Variants in COP1 observed in about 807,000 individuals in gnomAD.
COP1 encodes E3 ubiquitin-protein ligase COP1.
A neutral mutation model predicts 101.3 loss-of-function variants in COP1; 24 were observed. The observed-to-expected ratio is 0.24, with a 90% CI of 0.17 to 0.33. COP1 has a LOEUF of 0.33. COP1 is among the 10% of genes least tolerant of loss of function. The probability of loss-of-function intolerance (pLI) is 1.00; values close to 1 mark genes in which losing one functional copy is unlikely to be tolerated. For synonymous variants in COP1, 347 were observed against 341.9 expected (o/e 1.01, Z -0.17); for missense variants, 663 against 906.2 (o/e 0.73, Z 3.45).
At chr1:175,992,150 G>A (rs529194100) in intron 15 of COP1, among the ~76,000 whole-genome samples, 4 of 152,280 alleles carry the variant, frequency 2.6e-5, no homozygotes, top group African/African-American at 9.6e-5. Context: ...ATACAGGCAT[G>A]CAATGCATAA....
intron 15 of COP1, among the ~76,000 whole-genome samples, chr1:176,001,928 G>C (rs937127729): frequency 3.9e-5 from 6 of 152,076 alleles, no homozygotes; most frequent in African/African-American, 1.4e-4. Context: ...CCTGCTGGCA[G>C]TAATGATTTC....
chr1:176,060,938 G>GA (rs1558027263), intron 11 of COP1, among the ~76,000 whole-genome samples: 2 of 151,586 alleles, frequency 1.3e-5, no homozygotes, highest in Non-Finnish European at 2.9e-5. Context: ...ATTGCAGCAA[G>GA]AAAAAAAAGA....
intron 5 of COP1, among the ~76,000 whole-genome samples, chr1:176,162,591 A>G (rs1045162206): frequency 1.3e-5 from 2 of 152,184 alleles, no homozygotes; most frequent in Non-Finnish European, 2.9e-5. Context: ...CAACAAAACT[A>G]TTTCCTATGA....
At chr1:176,136,431 G>C in intron 7 of COP1, 57 bp downstream of exon 7, 1 of 1,185,704 alleles carries the variant, frequency 8.4e-7, no homozygotes, top group South Asian at 1.3e-5. Context: ...ATGGAAAGGT[G>C]ACAATTTCAT....
intron 8 of COP1, among the ~76,000 whole-genome samples, chr1:176,122,913 T>C (rs1481207911): frequency 6.6e-6 from 1 of 152,198 alleles, no homozygotes; most frequent in Admixed American, 6.5e-5. Flanking sequence ...GGAAGTAAAC[T>C]ACTTCGGTTG....
intron 9 of COP1, among the ~76,000 whole-genome samples, chr1:176,113,930 A>G (rs1215928884): frequency 2.9e-5 from 4 of 136,420 alleles, no homozygotes; most frequent in African/African-American, 8.0e-5. Context: ...AACCATTCAC[A>G]TTGGTCAGGG....
chr1:175,991,697 A>ATAAG (rs977878030), intron 15 of COP1, among the ~76,000 whole-genome samples: 1 of 152,232 alleles, frequency 6.6e-6, no homozygotes, highest in African/African-American at 2.4e-5. Flanking sequence ...ACATTTCCTT[A>ATAAG]TAAGTTAAAA....
intron 8 of COP1, among the ~76,000 whole-genome samples, chr1:176,117,895 G>A (rs960146154): frequency 3.3e-5 from 5 of 150,434 alleles, no homozygotes; most frequent in African/African-American, 9.9e-5. Flanking sequence ...ACTCTGTCTC[G>A]AAAAACAAAC....
chr1:176,080,957 T>C (rs1039990783), intron 11 of COP1, among the ~76,000 whole-genome samples, 195 bp downstream of exon 11: 6 of 152,124 alleles, frequency 3.9e-5, no homozygotes, highest in African/African-American at 1.4e-4. Context: ...AGAAGGATAC[T>C]ATCAATTATT....
chr1:175,982,456 G>A, intron 18 of COP1: 1 of 454,942 alleles, frequency 2.2e-6, no homozygotes, highest in Non-Finnish European at 4.4e-6. Flanking sequence ...TCCATGTGAA[G>A]ATGAGGATGA....
chr1:175,998,419 A>G (rs1391402761), intron 15 of COP1, among the ~76,000 whole-genome samples: 1 of 151,700 alleles, frequency 6.6e-6, no homozygotes, highest in African/African-American at 2.4e-5. Context: ...TATGTAACTA[A>G]CCTGCACATT....
At chr1:176,074,451 A>T (rs1677596031) in intron 11 of COP1, among the ~76,000 whole-genome samples, 4 of 152,026 alleles carry the variant, frequency 2.6e-5, no homozygotes, top group Admixed American at 2.0e-4. Context: ...TAAAATTGGA[A>T]TTTTTTCTTT....
At chr1:176,060,619 A>G (rs1382856178) in intron 11 of COP1, among the ~76,000 whole-genome samples, 1 of 152,214 alleles carries the variant, frequency 6.6e-6, no homozygotes, top group African/African-American at 2.4e-5. Flanking sequence ...AGTATTTACA[A>G]AGCAACCAAT....
chr1:175,964,005 T>C (rs1367633105), intron 18 of COP1, among the ~76,000 whole-genome samples: 1 of 152,234 alleles, frequency 6.6e-6, no homozygotes, highest in Non-Finnish European at 1.5e-5. Context: ...CAGCAACATT[T>C]ACTGATTGAT....
chr1:176,171,726 G>C (rs1696099768), intron 3 of COP1, among the ~76,000 whole-genome samples: 1 of 152,086 alleles, frequency 6.6e-6, no homozygotes, highest in South Asian at 2.1e-4. Flanking sequence ...ATAAAGCAAA[G>C]TACAATAAAA....
At chr1:176,124,503 A>G (rs1036873793) in intron 8 of COP1, among the ~76,000 whole-genome samples, 3 of 151,906 alleles carry the variant, frequency 2.0e-5, no homozygotes, top group Admixed American at 1.3e-4. Context: ...GATCCCACAA[A>G]TAAGTGAAAA....
At chr1:175,997,020 A>T (rs926924862) in intron 15 of COP1, among the ~76,000 whole-genome samples, 5 of 151,668 alleles carry the variant, frequency 3.3e-5, no homozygotes, top group African/African-American at 9.7e-5. Flanking sequence ...TACAGTAACC[A>T]AAACAGCATG....
chr1:176,120,772 C>A (rs549675254), intron 8 of COP1, among the ~76,000 whole-genome samples: 2 of 151,914 alleles, frequency 1.3e-5, no homozygotes, highest in Non-Finnish European at 2.9e-5. Context: ...GAAGAGGTAG[C>A]CAAGAGAAAA....
chr1:176,131,108 T>C (rs772825706), intron 8 of COP1, among the ~76,000 whole-genome samples: 2 of 151,764 alleles, frequency 1.3e-5, no homozygotes, highest in East Asian at 3.9e-4. Flanking sequence ...GAGAGTTACA[T>C]ACAATTTTAA....
Sources: allele counts gnomAD v4.1 joint callset (sites outside exome capture counted in the v4.1 genomes callset), GRCh38; gene constraint gnomAD v4.1.1; transcripts MANE v1.5; gene names NCBI Gene and HGNC (gene_info 2026-07-23, HGNC 2026-07-21).